Variants in PES1 observed in about 807,000 individuals in gnomAD.
PES1 encodes the protein pescadillo ribosomal biogenesis factor 1, also known as pescadillo homolog.
In PES1, 31 loss-of-function variants were observed where a neutral mutation model predicts 77.1. The observed-to-expected ratio is 0.40, with a 90% CI of 0.30 to 0.54. The LOEUF (loss-of-function observed/expected upper bound fraction) is 0.54, where lower values mean the gene tolerates loss of function less well. PES1 is among the 20% of genes least tolerant of loss of function. PES1 has a pLI of 0.45. For missense variants in PES1, 658 were observed against 771.7 expected, an observed-to-expected ratio of 0.85 and a Z score of 1.75; for synonymous variants, 282 against 303.0, an observed-to-expected ratio of 0.93 and a Z score of 0.72.
At chr22:30,592,770 C>G (rs1010213723), upstream of PES1, among the ~76,000 whole-genome samples, 2 of 152,188 alleles carry the variant, frequency 1.3e-5, no homozygotes, top group Non-Finnish European at 1.5e-5. Flanking sequence ...GCACTCCAGC[C>G]TGGGCGACAG....
intron 14 of PES1, among the ~76,000 whole-genome samples, chr22:30,578,165 C>T (rs911945894): frequency 1.2e-4 from 18 of 152,268 alleles, no homozygotes; most frequent in Admixed American, 7.8e-4. Context: ...CGCCCTAATC[C>T]CAGCTACTCG....
At chr22:30,607,008 C>A in exon 1 of PES1, 1 of 600,264 alleles carries the variant, frequency 1.7e-6, no homozygotes, top group Non-Finnish European at 2.6e-6. Flanking sequence ...TGGTCCCGGG[C>A]TCTTTAAGCA....
chr22:30,591,937 G>C (rs1269140003), upstream of PES1: 2 of 1,456,372 alleles, frequency 1.4e-6, no homozygotes, highest in Non-Finnish European at 1.8e-6. Context: ...ACCCCACGCT[G>C]TCTGTTTGTG....
At position 30,579,131 on chromosome 22, in the gene PES1, C is replaced by G. The variant is rs996284491; in HGVS notation, c.1521+6G>C. ...AGGCCAAGCCCCGCATTGCAGCTCC[C>G]CCTACCTTCCCCTCCATCCTCTGCT... On this transcript the variant is annotated splice_donor_region_variant and intron_variant, in intron 13 of 14. Transcript: ENST00000354694. 4 of 1,608,306 alleles carry G rather than the reference C, an allele frequency of 2.5e-6. No individual in the cohort carries two copies. The highest frequency in any genetic ancestry group is 1.1e-5 in the South Asian group (1 of 91,034).
intron 1 of PES1, chr22:30,605,659 G>A (rs571093532): frequency 1.6e-4 from 29 of 178,022 alleles, no homozygotes; most frequent in Non-Finnish European, 2.8e-4. Context: ...GCGGTTCTGC[G>A]GAAGTTGGGC....
Position 30,578,885 on chromosome 22 carries a change from C to T in PES1, c.1635G>A (p.Lys545=), listed in dbSNP as rs1374864961. The T allele has an allele frequency of 6.2e-7, 1 of 1,612,946 alleles. No homozygotes were observed. The highest frequency in any genetic ancestry group is 1.1e-5 in the South Asian group (1 of 91,030). The change falls in exon 14 of 15, where the codon AAG becomes AAA. Residue 545 remains lysine, a synonymous_variant. Coordinates refer to ENST00000354694, the MANE Select transcript of PES1 (RefSeq NM_014303.4). ...CAAACATGATCTTCTGGTACAGGTA[C>T]TTCTCCCGCTTCTTCATCATCATAA... The part of the protein sequence containing the change: ...LAIMMMKKRE[K]YLYQKIMFGK...
intron 2 of PES1, among the ~76,000 whole-genome samples, chr22:30,599,457 A>T (rs1490280494): frequency 6.6e-6 from 1 of 152,192 alleles, no homozygotes; most frequent in Non-Finnish European, 1.5e-5. Flanking sequence ...TTTAATAGGA[A>T]ACAGCGAAAT....
intron 2 of PES1, among the ~76,000 whole-genome samples, chr22:30,597,060 G>A (rs116056080): frequency 0.015 from 2,236 of 152,296 alleles, 64 homozygotes; most frequent in African/African-American, 0.051. Flanking sequence ...GCCCACCGGC[G>A]CTGCGCTCAA....
chr22:30,604,968 CT>C (rs1317979141), intron 2 of PES1, among the ~76,000 whole-genome samples: 4 of 152,156 alleles, frequency 2.6e-5, no homozygotes, highest in African/African-American at 9.7e-5. Flanking sequence ...AGCACTACCC[CT>C]GACCAGTCAC....
chr22:30,597,490 T>C (rs2087273456), intron 2 of PES1, among the ~76,000 whole-genome samples: 1 of 150,998 alleles, frequency 6.6e-6, no homozygotes. Context: ...TGTGTCTAGC[T>C]GATCTTGTGG....
chr22:30,579,002 G>A lies in PES1; in HGVS notation c.1522-4C>T. 6.2e-7 allele frequency: 1 copy of A among 1,609,248 alleles called. No individual in the cohort carries two copies. The highest frequency in any genetic ancestry group is 1.1e-5 in the South Asian group (1 of 91,060). On this transcript the variant is annotated splice_region_variant and splice_polypyrimidine_tract_variant and intron_variant, in intron 13 of 14. Coordinates refer to ENST00000354694, the MANE Select transcript of PES1 (RefSeq NM_014303.4). Reference sequence around the variant, plus strand: ...TGCCTGCCATCACCCTGGGCTTCTGGGGACACAAGGAGGGTGCTTATGGGG... The same window carrying A: ...TGCCTGCCATCACCCTGGGCTTCTGAGGACACAAGGAGGGTGCTTATGGGG...
intron 6 of PES1, 109 bp from the exon 7 acceptor site, chr22:30,581,753 C>T: frequency 1.3e-6 from 1 of 767,826 alleles, no homozygotes; most frequent in South Asian, 1.5e-5. Flanking sequence ...AGACCCCAAG[C>T]TCCTCAAGAA....
Position 30,579,759 on chromosome 22 carries a change from T to C in PES1, c.1346A>G (p.Glu449Gly), listed in dbSNP as rs1280481379. 4 of 1,613,586 alleles carry C rather than the reference T, an allele frequency of 2.5e-6. No homozygotes were observed. In the East Asian group the frequency reaches 6.7e-5, roughly 27 times the overall value. ...KLKLLALQRGEDPGNLNESEE... is the reference protein window; with the variant it reads ...KLKLLALQRGGDPGNLNESEE... ...AGTCCCATCCCGCTCACCTGGGTCC[T>C]CTCCCCGCTGCAGAGCCAGCAGCTT... The change falls in exon 12 of 15, where the codon GAG (glutamate) becomes GGG (glycine). Residue 449 changes from glutamate to glycine, a missense_variant. Coordinates refer to ENST00000354694, the MANE Select transcript of PES1 (RefSeq NM_014303.4).
intron 2 of PES1, among the ~76,000 whole-genome samples, chr22:30,597,789 T>C (rs1007040701): frequency 1.3e-5 from 2 of 151,762 alleles, no homozygotes; most frequent in Admixed American, 1.3e-4. Flanking sequence ...CAATCAGCAG[T>C]ATGTGGGTGG....
At chr22:30,594,624 G>A (rs1408328614), upstream of PES1, among the ~76,000 whole-genome samples, 1 of 151,686 alleles carries the variant, frequency 6.6e-6, no homozygotes, top group Non-Finnish European at 1.5e-5. Flanking sequence ...GACCAGCCTG[G>A]GCAACATAGT....
rs548177681 is a variant in PES1, at chr22:30,604,819, T to C, written c.-661+642A>G. Among the ~76,000 whole-genome samples the C allele has an allele frequency of 1.4e-3, 208 of 152,180 alleles. 5 individuals are homozygous for C. The highest frequency in any genetic ancestry group is 4.0e-3 in the African/African-American group (168 of 41,530). Reference sequence around the variant, plus strand: ...CTGGCCAGGTGCAGTGGTTCATGCCTGTAATCCCAGCTCTTTGGGAGGCTG... The same window carrying C: ...CTGGCCAGGTGCAGTGGTTCATGCCCGTAATCCCAGCTCTTTGGGAGGCTG... On this transcript the variant is annotated intron_variant, in intron 2 of 16. Transcript: ENST00000402281.
At chr22:30,605,109 T>G (rs935582256) in intron 2 of PES1, among the ~76,000 whole-genome samples, 2 of 152,100 alleles carry the variant, frequency 1.3e-5, no homozygotes, top group Non-Finnish European at 2.9e-5. Flanking sequence ...TCCTCCCACT[T>G]GTAGCCTCTA....
chr22:30,592,525 G>T, upstream of PES1: 2 of 616,038 alleles, frequency 3.2e-6, no homozygotes, highest in Non-Finnish European at 4.1e-6. Context: ...GGCTGGGAGC[G>T]GTGGCGCACG....
intron 14 of PES1, 28 bp downstream of exon 14, chr22:30,578,809 G>T: frequency 6.2e-7 from 1 of 1,610,966 alleles, no homozygotes; most frequent in Non-Finnish European, 8.5e-7. Context: ...GGCCACACCT[G>T]GATCTCAAGT....
Sources: gnomAD v4.1 joint callset for allele counts (sites outside exome capture counted in the v4.1 genomes callset) on GRCh38, gnomAD v4.1.1 for gene constraint, MANE v1.5 for transcripts, NCBI Gene and HGNC (gene_info 2026-07-23, HGNC 2026-07-21) for gene names.